The following QKI variants were observed in gnomAD, a reference collection of about 807,000 sequenced individuals.
QKI encodes the protein KH domain-containing RNA-binding protein QKI.
In QKI, 10 loss-of-function variants were observed where a neutral mutation model predicts 39.0. The observed-to-expected ratio is 0.26, with a 90% CI of 0.16 to 0.43. The LOEUF is 0.43. Ranked by LOEUF, QKI falls within the 20% of genes least tolerant of loss-of-function variation. The pLI, the probability that QKI is intolerant of heterozygous loss-of-function variation, is 1.00. For missense variants in QKI, 218 were observed against 428.0 expected (o/e 0.51, Z 4.33); for synonymous variants, 204 against 155.4 (o/e 1.31, Z -2.33).
intron 7 of QKI, 100 bp downstream of exon 7, chr6:163,566,895 A>G (rs2128251771): frequency 3.3e-6 from 5 of 1,500,848 alleles, no homozygotes; most frequent in Non-Finnish European, 2.7e-6. Flanking sequence ...GCTTACCTGC[A>G]CACAGTTTTT....
At chr6:163,556,042 A>T (rs774177539) in intron 4 of QKI, among the ~76,000 whole-genome samples, 4 of 152,180 alleles carry the variant, frequency 2.6e-5, no homozygotes, top group Non-Finnish European at 5.9e-5. Context: ...GTGGCTTTGG[A>T]TAAGCTGCCT....
rs983471506 is a variant in QKI at position 163,571,976 on chromosome 6, T to C, written c.*1266T>C. Reference sequence around the variant, plus strand: ...GTCGCCCAGTATGTGAAAGAAGATATGAGGGAGACAAATGAGTTGATAGTT... The same window carrying C: ...GTCGCCCAGTATGTGAAAGAAGATACGAGGGAGACAAATGAGTTGATAGTT... On this transcript the variant is annotated 3_prime_UTR_variant, in exon 8 of 8. Coordinates refer to ENST00000361752, the MANE Select transcript of QKI (RefSeq NM_006775.3). The C allele has an allele frequency of 2.0e-5, 3 of 152,168 alleles. No individual in the cohort carries two copies. The highest frequency in any genetic ancestry group is 4.4e-5 in the Non-Finnish European group (3 of 68,036). 9.4% of individuals were successfully genotyped at this position (152,168 alleles called of 1,614,324 possible).
At chr6:163,526,083 T>A (rs1780496442) in intron 3 of QKI, among the ~76,000 whole-genome samples, 1 of 152,190 alleles carries the variant, frequency 6.6e-6, no homozygotes, top group Non-Finnish European at 1.5e-5. Flanking sequence ...ATTCCATACT[T>A]CTTGAAACTT....
chr6:163,415,869 G>A (rs1318502272), intron 1 of QKI: 2 of 505,976 alleles, frequency 4.0e-6, no homozygotes, highest in African/African-American at 3.9e-5. Context: ...TTGGGGAGTT[G>A]GTGCAGCTGT....
At chr6:163,556,503 CAAAA>C (rs61233361) in intron 4 of QKI, among the ~76,000 whole-genome samples, 916 of 83,078 alleles carry the variant, frequency 0.011, 7 homozygotes, top group African/African-American at 0.019. Context: ...AATTCCACCT[CAAAA>C]AAAAAAAAAA....
Position 163,571,832 on chromosome 6 carries a change from T to G in QKI, c.*1122T>G, listed in dbSNP as rs1252164342. 2 of 152,162 alleles carry G rather than the reference T, an allele frequency of 1.3e-5. No individual in the cohort carries two copies. Among genetic ancestry groups the G allele is most frequent in the Non-Finnish European group, 2.9e-5 (2 of 68,034 alleles). 9.4% of individuals were successfully genotyped at this position (152,162 alleles called of 1,614,324 possible). A position where few individuals can be genotyped will look rare whatever the true frequency, so the allele number is the denominator to read the frequency against. On this transcript the variant is annotated 3_prime_UTR_variant, in exon 8 of 8. Transcript: ENST00000361752. The stretch of plus-strand genomic sequence containing the variant: ...CTTTTTGTCTTTCTTTTTTATTTTT[T>G]AAGTATTGGAATAAGTCTAAAGAAA...
At chr6:163,472,939 C>G (rs189443307) in intron 2 of QKI, among the ~76,000 whole-genome samples, 122 of 151,722 alleles carry the variant, frequency 8.0e-4, no homozygotes, top group Non-Finnish European at 1.6e-3. Context: ...GGAAAAAGAA[C>G]AGCAGATTAA....
intron 1 of QKI, among the ~76,000 whole-genome samples, chr6:163,429,890 C>T (rs898157029): frequency 1.3e-5 from 2 of 152,028 alleles, no homozygotes; most frequent in African/African-American, 4.8e-5. Flanking sequence ...CAAGTTATCT[C>T]AGTAGTTGGA....
At chr6:163,489,085 T>C (rs987934328) in intron 3 of QKI, among the ~76,000 whole-genome samples, 5 of 151,864 alleles carry the variant, frequency 3.3e-5, no homozygotes, top group African/African-American at 1.2e-4. Context: ...TTTTAATACC[T>C]TTATTATTTA....
chr6:163,518,546 ACT>A (rs1458989115), intron 3 of QKI, among the ~76,000 whole-genome samples: 2 of 151,980 alleles, frequency 1.3e-5, no homozygotes, highest in Non-Finnish European at 2.9e-5. Flanking sequence ...AATTTTCAAC[ACT>A]CTTAAAAACC....
chr6:163,541,307 C>G (rs1176621552), intron 4 of QKI, among the ~76,000 whole-genome samples: 2 of 151,976 alleles, frequency 1.3e-5, no homozygotes, highest in African/African-American at 2.4e-5. Context: ...TTGTTATGCT[C>G]AGTATGTATT....
rs1391443575 is a variant in QKI at position 163,572,445 on chromosome 6, C to T, written c.*1735C>T. ...GTGTATCCTTTTACTGTTTCAATAA[C>T]CTCTGCCTCCCCCACCCCTTAACTT... On this transcript the variant is annotated 3_prime_UTR_variant, in exon 8 of 8. Transcript: ENST00000361752. The T allele has an allele frequency of 1.3e-5, 2 of 152,100 alleles. No individual in the cohort carries two copies. Among genetic ancestry groups the T allele is most frequent in the South Asian group, 2.1e-4 (1 of 4,830 alleles). The allele number at this position is 152,100 out of a possible 1,614,324, so 9.4% of individuals were successfully genotyped here. A position where few individuals can be genotyped will look rare whatever the true frequency, so the allele number is the denominator to read the frequency against.
intron 1 of QKI, among the ~76,000 whole-genome samples, chr6:163,417,185 TGTC>T (rs1459393437): frequency 1.3e-5 from 2 of 152,138 alleles, no homozygotes; most frequent in Admixed American, 1.3e-4. Flanking sequence ...ACACTCTTAC[TGTC>T]TTCTCCTTGG....
chr6:163,429,348 C>G (rs929876347), intron 1 of QKI, among the ~76,000 whole-genome samples: 1 of 152,020 alleles, frequency 6.6e-6, no homozygotes, highest in Non-Finnish European at 1.5e-5. Context: ...TTGTAGTCCC[C>G]CCCCACCAGT....
chr6:163,516,085 A>G (rs1468789665), intron 3 of QKI, among the ~76,000 whole-genome samples: 1 of 152,142 alleles, frequency 6.6e-6, no homozygotes, highest in Non-Finnish European at 1.5e-5. Flanking sequence ...CTAGGATGTT[A>G]AGGTAAATTA....
chr6:163,531,181 C>T lies in QKI; in HGVS notation c.403-3801C>T, dbSNP rs528048323. 1.4e-3 allele frequency among the ~76,000 whole-genome samples: 209 copies of T among 152,220 alleles called. 2 individuals carry two copies. The highest frequency in any genetic ancestry group is 2.4e-3 in the Non-Finnish European group (160 of 68,020). ...GAGCATTCTTGTTTCAGCATTGTAG[C>T]GTCTTTTATTAACTCTCTGAAGGGT... is the stretch of plus-strand genomic sequence containing the variant. On this transcript the variant is annotated intron_variant, in intron 3 of 7. Transcript: ENST00000361752.
At chr6:163,549,571 G>A (rs1221799234) in intron 4 of QKI, among the ~76,000 whole-genome samples, 1 of 152,076 alleles carries the variant, frequency 6.6e-6, no homozygotes, top group Non-Finnish European at 1.5e-5. Flanking sequence ...AATTAGTTGG[G>A]CATGGTGACG....
Position 163,578,428 on chromosome 6 carries a change from A to T in QKI, c.*7718A>T, listed in dbSNP as rs1777702791. 6.6e-6 allele frequency: 1 copy of T among 152,216 alleles called. No individual in the cohort carries two copies. The highest frequency in any genetic ancestry group is 1.5e-5 in the Non-Finnish European group (1 of 68,042). 9.4% of individuals were successfully genotyped at this position (152,216 alleles called of 1,614,324 possible). A position where few individuals can be genotyped will look rare whatever the true frequency, so the allele number is the denominator to read the frequency against. Reference sequence around the variant, plus strand: ...TGAATTTTAGTGCTTCCCTTATTACATTCATTGTTTTCAATGATTGATTTA... The same window carrying T: ...TGAATTTTAGTGCTTCCCTTATTACTTTCATTGTTTTCAATGATTGATTTA... On this transcript the variant is annotated 3_prime_UTR_variant, in exon 8 of 8. Coordinates refer to ENST00000361752, the MANE Select transcript of QKI (RefSeq NM_006775.3).
In QKI at chr6:163,474,730, C is replaced by T. The variant is rs932455179; in HGVS notation, c.286-4050C>T. ...AGTGGGGGTGAGGATGGCTTGAGTC[C>T]AGGAATTTTGAGATCAGCCTGGGCA... On this transcript the variant is annotated intron_variant, in intron 2 of 7. Coordinates refer to ENST00000361752, the MANE Select transcript of QKI (RefSeq NM_006775.3). Among the ~76,000 whole-genome samples, 3 of 144,596 alleles carry T rather than the reference C, an allele frequency of 2.1e-5. No homozygotes were observed. The Admixed American group carries it at 2.1e-4, about 10-fold the overall frequency. The allele number at this position is 144,596 out of a possible 152,430, so 94.9% of individuals were successfully genotyped here.
Sources: allele counts gnomAD v4.1 joint callset (sites outside exome capture counted in the v4.1 genomes callset), GRCh38; gene constraint gnomAD v4.1.1; transcripts MANE v1.5; gene names NCBI Gene and HGNC (gene_info 2026-07-23, HGNC 2026-07-21).